Variants in VPS13B observed in about 807,000 individuals in gnomAD.
VPS13B encodes vacuolar protein sorting 13 homolog B.
VPS13B carries 285 observed loss-of-function variants against 426.4 expected under a neutral mutation model. The ratio of observed to expected loss-of-function variants is 0.67; its 90% CI spans 0.61 to 0.74. The LOEUF is 0.74. VPS13B is among the 30% of genes least tolerant of loss of function. The pLI is 0.00. For missense variants in VPS13B, 4,537 were observed against 4,782.6 expected, an observed-to-expected ratio of 0.95 and a Z score of 1.51; for synonymous variants, 1,676 against 1,676.4, an observed-to-expected ratio of 1.00 and a Z score of 0.01.
At chr8:99,600,647 T>C (rs1827244157) in intron 33 of VPS13B, among the ~76,000 whole-genome samples, 1 of 152,096 alleles carries the variant, frequency 6.6e-6, no homozygotes, top group Admixed American at 6.6e-5. Context: ...GAAGCACTCA[T>C]TTGGGGAAGA....
chr8:99,192,822 G>T, intron 16 of VPS13B, 54 bp from the exon 17 acceptor site: 1 of 1,591,602 alleles, frequency 6.3e-7, no homozygotes, highest in Middle Eastern at 1.7e-4. Context: ...TTAGTATTTT[G>T]TTGTCTGTAA....
chr8:99,334,997 T>G (rs1008214179), intron 19 of VPS13B, among the ~76,000 whole-genome samples: 1 of 152,148 alleles, frequency 6.6e-6, no homozygotes, highest in African/African-American at 2.4e-5. Flanking sequence ...TGGACTCTTT[T>G]TGGTTGGTAA....
At chr8:99,336,211 A>T (rs796668572) in intron 19 of VPS13B, among the ~76,000 whole-genome samples, 1 of 152,016 alleles carries the variant, frequency 6.6e-6, no homozygotes, top group African/African-American at 2.4e-5. Context: ...ATAACGCCGC[A>T]TATCTACAAC....
chr8:99,087,973 C>T (rs546916040), intron 3 of VPS13B, among the ~76,000 whole-genome samples: 22 of 152,014 alleles, frequency 1.4e-4, no homozygotes, highest in South Asian at 8.3e-4. Flanking sequence ...CAGTTAAGGT[C>T]AGGAGTTCGA....
At chr8:99,521,371 A>G (rs1179362686) in intron 30 of VPS13B, among the ~76,000 whole-genome samples, 1 of 152,224 alleles carries the variant, frequency 6.6e-6, no homozygotes, top group Non-Finnish European at 1.5e-5. Flanking sequence ...ATCAAAGTGA[A>G]ACATTTTATT....
chr8:99,873,464 T>G (rs530889800), intron 61 of VPS13B, among the ~76,000 whole-genome samples: 32 of 152,266 alleles, frequency 2.1e-4, no homozygotes, highest in African/African-American at 7.7e-4. Flanking sequence ...GAAAGAGGGT[T>G]GGGATTAAGG....
intron 39 of VPS13B, among the ~76,000 whole-genome samples, chr8:99,740,652 G>A (rs1563892135): frequency 6.6e-6 from 1 of 152,212 alleles, no homozygotes; most frequent in Non-Finnish European, 1.5e-5. Flanking sequence ...TGCCAGAAGA[G>A]AGTGGGGGCC....
chr8:99,721,171 G>A (rs902938330), intron 39 of VPS13B, 124 bp downstream of exon 39: 3 of 915,920 alleles, frequency 3.3e-6, no homozygotes, highest in East Asian at 2.5e-5. Context: ...ATACACATCT[G>A]TGTGTGTGGT....
intron 20 of VPS13B, among the ~76,000 whole-genome samples, chr8:99,386,579 A>G (rs1814138485): frequency 6.6e-6 from 1 of 152,226 alleles, no homozygotes; most frequent in East Asian, 1.9e-4. Context: ...TAGTAAAAAT[A>G]TGCCATTATA....
At chr8:99,701,844 A>T (rs1832297504) in intron 36 of VPS13B, among the ~76,000 whole-genome samples, 1 of 152,146 alleles carries the variant, frequency 6.6e-6, no homozygotes, top group Non-Finnish European at 1.5e-5. Flanking sequence ...ACAGTTTAGG[A>T]TGATAACAAG....
chr8:99,857,975 C>A (rs989086941), intron 56 of VPS13B, among the ~76,000 whole-genome samples: 1 of 152,174 alleles, frequency 6.6e-6, no homozygotes, highest in African/African-American at 2.4e-5. Context: ...TCCCTCTCTT[C>A]GTGGGCTGGG....
intron 8 of VPS13B, 82 bp downstream of exon 8, chr8:99,121,527 C>A: frequency 6.3e-7 from 1 of 1,576,186 alleles, no homozygotes; most frequent in South Asian, 1.2e-5. Context: ...TAGCTTTATT[C>A]AAGTTTGCTT....
chr8:99,658,489 T>C (rs1588595977), intron 34 of VPS13B, among the ~76,000 whole-genome samples: 2 of 152,344 alleles, frequency 1.3e-5, no homozygotes, highest in South Asian at 4.1e-4. Flanking sequence ...GTCAACCATA[T>C]AGATCTTCTT....
In VPS13B at chr8:99,632,561, A is replaced by C. The variant is rs536379117; in HGVS notation, c.5221-9250A>C. Among the ~76,000 whole-genome samples the C allele has an allele frequency of 2.0e-5, 3 of 152,098 alleles. No individual in the cohort carries two copies. The South Asian group carries it at 6.2e-4, about 32-fold the overall frequency. ...GAATACTTTGAATTTCCAAGGATTG[A>C]AGGAAGAGGTTATGATCAAAGCATT... On this transcript the variant is annotated intron_variant, in intron 33 of 61. Transcript: ENST00000357162.
At chr8:99,460,803 A>G (rs368969018) in intron 23 of VPS13B, among the ~76,000 whole-genome samples, 13 of 151,966 alleles carry the variant, frequency 8.6e-5, no homozygotes, top group Admixed American at 3.3e-4. Context: ...GACATTGTTC[A>G]CCACTCCAAA....
At chr8:99,375,654 A>G (rs1813444070) in intron 19 of VPS13B, among the ~76,000 whole-genome samples, 1 of 152,076 alleles carries the variant, frequency 6.6e-6, no homozygotes, top group South Asian at 2.1e-4. Context: ...TTTGTTTTTG[A>G]AGTAGTGATT....
intron 29 of VPS13B, among the ~76,000 whole-genome samples, chr8:99,518,692 G>T (rs1351111603): frequency 6.6e-6 from 1 of 151,688 alleles, no homozygotes; most frequent in Admixed American, 6.6e-5. Flanking sequence ...TAATTCTGAC[G>T]TTCTTTCCTT....
intron 31 of VPS13B, among the ~76,000 whole-genome samples, chr8:99,572,177 A>T (rs1825509717): frequency 6.6e-6 from 1 of 152,212 alleles, no homozygotes. Flanking sequence ...ACGAAACATA[A>T]ATGTATTATT....
chr8:99,049,999 AT>A (rs928807498), intron 3 of VPS13B, among the ~76,000 whole-genome samples: 19 of 140,872 alleles, frequency 1.3e-4, no homozygotes, highest in Middle Eastern at 3.7e-3. Flanking sequence ...TCCTTCTTTT[AT>A]TTTTTTTTAA....
Sources: gnomAD v4.1 joint callset for allele counts (sites outside exome capture counted in the v4.1 genomes callset) on GRCh38, gnomAD v4.1.1 for gene constraint, MANE v1.5 for transcripts, NCBI Gene and HGNC (gene_info 2026-07-23, HGNC 2026-07-21) for gene names.